The following WWTR1 variants were observed in gnomAD, a reference collection of about 807,000 sequenced individuals.
WWTR1 encodes the protein WW domain containing transcription regulator 1.
Under a neutral mutation model 40.1 loss-of-function variants are expected in WWTR1, and 13 were observed. The ratio of observed to expected loss-of-function variants is 0.32; its 90% CI spans 0.21 to 0.52. WWTR1 has a LOEUF of 0.52. Ranked by LOEUF, WWTR1 falls within the 20% of genes least tolerant of loss-of-function variation. The pLI, the probability that WWTR1 is intolerant of heterozygous loss-of-function variation, is 0.97. For synonymous variants in WWTR1, 230 were observed against 210.1 expected, an observed-to-expected ratio of 1.09 and a Z score of -0.82; for missense variants, 436 against 523.1, an observed-to-expected ratio of 0.83 and a Z score of 1.63.
chr3:149,651,816 G>A (rs1712882526), intron 2 of WWTR1, among the ~76,000 whole-genome samples: 1 of 148,762 alleles, frequency 6.7e-6, no homozygotes, highest in African/African-American at 2.5e-5. Flanking sequence ...TGTAAATGTT[G>A]CCTATGGATT....
chr3:149,640,039 A>G (rs1465827784), intron 2 of WWTR1, among the ~76,000 whole-genome samples: 1 of 151,848 alleles, frequency 6.6e-6, no homozygotes, highest in Non-Finnish European at 1.5e-5. Context: ...AGAAAGAAAG[A>G]AAAAGTACAG....
intron 2 of WWTR1, among the ~76,000 whole-genome samples, chr3:149,638,605 T>C (rs916907790): frequency 2.0e-5 from 3 of 152,122 alleles, no homozygotes; most frequent in Non-Finnish European, 4.4e-5. Flanking sequence ...CCATTCTCTT[T>C]CTTTTTTCTC....
chr3:149,577,581 T>G (rs1041209850), intron 2 of WWTR1, among the ~76,000 whole-genome samples: 1 of 152,048 alleles, frequency 6.6e-6, no homozygotes, highest in African/African-American at 2.4e-5. Context: ...ACTGCCCAGG[T>G]TGGACAAAAG....
At chr3:149,561,567 T>C (rs1737079223) in intron 3 of WWTR1, among the ~76,000 whole-genome samples, 1 of 152,206 alleles carries the variant, frequency 6.6e-6, no homozygotes, top group Non-Finnish European at 1.5e-5. Flanking sequence ...AAACAGCATA[T>C]GGCACAAGGA....
chr3:149,528,522 T>C (rs1576538357), intron 4 of WWTR1, among the ~76,000 whole-genome samples: 1 of 152,180 alleles, frequency 6.6e-6, no homozygotes, highest in Admixed American at 6.5e-5. Flanking sequence ...CCAGGGGTGG[T>C]GGCTCACGTC....
chr3:149,644,106 A>C (rs182173964), intron 2 of WWTR1, among the ~76,000 whole-genome samples: 114 of 152,246 alleles, frequency 7.5e-4, no homozygotes, highest in Middle Eastern at 3.4e-3. Context: ...ACTTCTTCCA[A>C]GGCTCCCAGT....
At chr3:149,707,456 CTAAGAAA>C (rs1715360962), upstream of WWTR1, among the ~76,000 whole-genome samples, 1 of 152,078 alleles carries the variant, frequency 6.6e-6, no homozygotes, top group Non-Finnish European at 1.5e-5. Flanking sequence ...CCTTTGTCAA[CTAAGAAA>C]TATCTTCACG....
upstream of WWTR1, chr3:149,659,854 C>T (rs1713491498): frequency 6.6e-6 from 1 of 151,928 alleles, no homozygotes; most frequent in African/African-American, 2.4e-5. Flanking sequence ...GCTCCAATTC[C>T]AGACTCCTCA....
intron 2 of WWTR1, among the ~76,000 whole-genome samples, chr3:149,650,902 G>A (rs1712829239): frequency 6.6e-6 from 1 of 152,210 alleles, no homozygotes; most frequent in Non-Finnish European, 1.5e-5. Flanking sequence ...AGCTACAGCT[G>A]TAATCCAGAG....
At chr3:149,615,581 A>T (rs756045433) in intron 2 of WWTR1, among the ~76,000 whole-genome samples, 1 of 152,216 alleles carries the variant, frequency 6.6e-6, no homozygotes, top group Non-Finnish European at 1.5e-5. Context: ...CCAATTACGA[A>T]TCAGTATTTC....
chr3:149,710,616 G>C (rs1346063708), intron 5 of WWTR1, among the ~76,000 whole-genome samples: 2 of 114,214 alleles, frequency 1.8e-5, no homozygotes, highest in Non-Finnish European at 1.6e-5. Context: ...GTCTCGCTCT[G>C]TCGCCCAGGC....
intron 3 of WWTR1, among the ~76,000 whole-genome samples, chr3:149,543,497 G>A (rs887070413): frequency 1.5e-5 from 2 of 136,430 alleles, no homozygotes; most frequent in African/African-American, 2.7e-5. Flanking sequence ...TCAGGGACTC[G>A]CTTGAACCCG....
chr3:149,545,546 G>C (rs1267268233), intron 3 of WWTR1, among the ~76,000 whole-genome samples: 2 of 152,180 alleles, frequency 1.3e-5, no homozygotes, highest in African/African-American at 4.8e-5. Flanking sequence ...TTTTGAGACA[G>C]AGTGTCACTC....
chr3:149,711,184 G>T (rs1326885489), intron 5 of WWTR1, among the ~76,000 whole-genome samples: 8 of 137,194 alleles, frequency 5.8e-5, no homozygotes, highest in Non-Finnish European at 1.3e-4. Flanking sequence ...AAAAAAGGGA[G>T]GCTGGATGTG....
chr3:149,594,515 T>C lies in WWTR1; in HGVS notation c.432-21515A>G, dbSNP rs563025005. Reference sequence around the variant, plus strand: ...TTCACAAAATCATTTATGCTGTATTTTTGTGAAAAATTTTAACCTAATTTA... The same window carrying C: ...TTCACAAAATCATTTATGCTGTATTCTTGTGAAAAATTTTAACCTAATTTA... On this transcript the variant is annotated intron_variant, in intron 2 of 6. Coordinates refer to ENST00000360632, the MANE Select transcript of WWTR1 (RefSeq NM_015472.6). Among the ~76,000 whole-genome samples the C allele has an allele frequency of 3.3e-5, 5 of 152,334 alleles. No homozygotes were observed. In the East Asian group the frequency reaches 7.7e-4, roughly 23 times the overall value.
intron 2 of WWTR1, among the ~76,000 whole-genome samples, chr3:149,609,362 G>C (rs1183913084): frequency 6.6e-6 from 1 of 152,130 alleles, no homozygotes; most frequent in African/African-American, 2.4e-5. Context: ...AAATTATTGC[G>C]CTAGTTCACC....
intron 2 of WWTR1, among the ~76,000 whole-genome samples, chr3:149,591,711 T>C (rs1191631165): frequency 6.6e-6 from 1 of 152,170 alleles, no homozygotes; most frequent in Non-Finnish European, 1.5e-5. Flanking sequence ...ATTCTGAAAT[T>C]AAAAATAGTT....
chr3:149,664,376 T>A (rs1368898457), intron 2 of WWTR1, among the ~76,000 whole-genome samples: 2 of 152,238 alleles, frequency 1.3e-5, no homozygotes, highest in Non-Finnish European at 2.9e-5. Context: ...GTGATACTTG[T>A]GTTTTCAGAA....
At chr3:149,636,506 C>G (rs1711822094) in intron 2 of WWTR1, among the ~76,000 whole-genome samples, 1 of 151,978 alleles carries the variant, frequency 6.6e-6, no homozygotes, top group African/African-American at 2.4e-5. Context: ...ATTGTTTTTG[C>G]TTGAAAAACT....
Sources: allele counts gnomAD v4.1 joint callset (sites outside exome capture counted in the v4.1 genomes callset), GRCh38; gene constraint gnomAD v4.1.1; transcripts MANE v1.5; gene names NCBI Gene and HGNC (gene_info 2026-07-23, HGNC 2026-07-21).